The following PRDM5 variants were observed in gnomAD, a reference collection of about 807,000 sequenced individuals.
PRDM5 encodes PR/SET domain 5, also known as PR domain zinc finger protein 5.
In PRDM5, 56 loss-of-function variants were observed where a neutral mutation model predicts 81.2. The observed-to-expected ratio is 0.69, with a 90% CI of 0.56 to 0.86. The LOEUF is 0.86. Ranked by LOEUF, PRDM5 falls within the 40% of genes least tolerant of loss-of-function variation. The probability of loss-of-function intolerance (pLI) is 0.00; values close to 1 mark genes in which losing one functional copy is unlikely to be tolerated. For synonymous variants in PRDM5, 267 were observed against 256.4 expected, an observed-to-expected ratio of 1.04 and a Z score of -0.39; for missense variants, 697 against 770.1, an observed-to-expected ratio of 0.91 and a Z score of 1.12.
intron 15 of PRDM5, among the ~76,000 whole-genome samples, chr4:120,700,672 G>C (rs900023470): frequency 1.8e-4 from 28 of 152,046 alleles, no homozygotes; most frequent in African/African-American, 6.8e-4. Context: ...ATGCACTACT[G>C]TATTTATATA....
At chr4:120,757,557 C>T (rs1744932749) in intron 13 of PRDM5, among the ~76,000 whole-genome samples, 1 of 152,138 alleles carries the variant, frequency 6.6e-6, no homozygotes, top group African/African-American at 2.4e-5. Flanking sequence ...AGGGTGTGTC[C>T]AGAAGAGATG....
intron 2 of PRDM5, among the ~76,000 whole-genome samples, chr4:120,886,337 C>T (rs776926431): frequency 5.3e-5 from 8 of 152,102 alleles, no homozygotes; most frequent in Non-Finnish European, 1.2e-4. Flanking sequence ...AACATTTTTT[C>T]CCAAAACTAA....
intron 3 of PRDM5, among the ~76,000 whole-genome samples, chr4:120,828,004 T>C (rs969346535): frequency 2.6e-5 from 4 of 152,106 alleles, no homozygotes; most frequent in African/African-American, 4.8e-5. Context: ...CTCTTTTATA[T>C]AGCACTTTGC....
intron 2 of PRDM5, among the ~76,000 whole-genome samples, chr4:120,903,217 G>C (rs1199111570): frequency 6.6e-6 from 1 of 152,042 alleles, no homozygotes; most frequent in Non-Finnish European, 1.5e-5. Context: ...ATAGATATGG[G>C]GCATAGCAGA....
chr4:120,757,847 C>T (rs902870093), intron 13 of PRDM5, among the ~76,000 whole-genome samples: 2 of 150,756 alleles, frequency 1.3e-5, no homozygotes, highest in African/African-American at 4.9e-5. Context: ...CTCTCCTCCT[C>T]TTCCTCCTCC....
intron 2 of PRDM5, among the ~76,000 whole-genome samples, chr4:120,855,906 T>C (rs1220395580): frequency 6.6e-6 from 1 of 152,246 alleles, no homozygotes; most frequent in Admixed American, 6.5e-5. Flanking sequence ...ATGGCCCTTC[T>C]TAATCATACA....
intron 4 of PRDM5, among the ~76,000 whole-genome samples, chr4:120,820,680 C>G (rs1561377599): frequency 6.6e-6 from 1 of 152,230 alleles, no homozygotes; most frequent in Non-Finnish European, 1.5e-5. Context: ...CAAGAAGCTG[C>G]AGGTTCCCAA....
intron 8 of PRDM5, among the ~76,000 whole-genome samples, chr4:120,804,951 T>C (rs1752696608): frequency 6.6e-6 from 1 of 151,934 alleles, no homozygotes; most frequent in Admixed American, 6.6e-5. Context: ...AATAGACCGC[T>C]AGCAAGACTA....
At chr4:120,902,503 A>G (rs905321472) in intron 2 of PRDM5, among the ~76,000 whole-genome samples, 9 of 152,210 alleles carry the variant, frequency 5.9e-5, no homozygotes, top group African/African-American at 2.2e-4. Context: ...CAAAAAGTAG[A>G]CAGAAAGACT....
chr4:120,838,123 T>C (rs940699469), intron 3 of PRDM5: 2 of 152,204 alleles, frequency 1.3e-5, no homozygotes, highest in African/African-American at 4.8e-5. Flanking sequence ...AAGCTCCATG[T>C]GAAAGGAAAG....
intron 12 of PRDM5, among the ~76,000 whole-genome samples, chr4:120,778,099 T>G (rs3827583): frequency 6.6e-6 from 1 of 151,888 alleles, no homozygotes; most frequent in African/African-American, 2.4e-5. Flanking sequence ...ACTTAAGAGA[T>G]TGGAGAAAAG....
At chr4:120,895,638 C>A (rs899350659) in intron 2 of PRDM5, 2 of 152,356 alleles carry the variant, frequency 1.3e-5, no homozygotes, top group South Asian at 4.1e-4. Context: ...TCTCCTTCCA[C>A]TTCTTTATCT....
chr4:120,701,784 CA>C (rs1284736812), intron 15 of PRDM5, among the ~76,000 whole-genome samples: 4 of 151,576 alleles, frequency 2.6e-5, no homozygotes, highest in Admixed American at 2.6e-4. Context: ...TACCCATGTA[CA>C]ACAAACCTGC....
chr4:120,832,200 AG>A (rs1316575003), intron 3 of PRDM5, among the ~76,000 whole-genome samples: 2 of 152,122 alleles, frequency 1.3e-5, no homozygotes, highest in African/African-American at 4.8e-5. Flanking sequence ...ATGGCTGGGG[AG>A]GCCTCAGGAA....
chr4:120,773,427 T>A (rs1747588485), intron 13 of PRDM5, among the ~76,000 whole-genome samples: 1 of 152,152 alleles, frequency 6.6e-6, no homozygotes, highest in Non-Finnish European at 1.5e-5. Flanking sequence ...TAACATATCA[T>A]CCCCTGAATA....
intron 3 of PRDM5, among the ~76,000 whole-genome samples, chr4:120,836,458 T>C (rs1757363771): frequency 6.6e-6 from 1 of 152,232 alleles, no homozygotes; most frequent in South Asian, 2.1e-4. Context: ...TATTCTTCTA[T>C]AGAAACATCC....
At chr4:120,822,199 A>G (rs1195952826) in intron 3 of PRDM5, among the ~76,000 whole-genome samples, 1 of 152,234 alleles carries the variant, frequency 6.6e-6, no homozygotes. Flanking sequence ...GCCAGAACTG[A>G]AGCTGTAAAG....
At chr4:120,769,125 C>A (rs1317901407) in intron 13 of PRDM5, among the ~76,000 whole-genome samples, 1 of 152,110 alleles carries the variant, frequency 6.6e-6, no homozygotes, top group Non-Finnish European at 1.5e-5. Flanking sequence ...CACTCTGAAC[C>A]CATGCATCCT....
intron 1 of PRDM5, among the ~76,000 whole-genome samples, chr4:120,921,865 TAAAAA>T (rs976326279): frequency 6.9e-6 from 1 of 144,040 alleles, no homozygotes; most frequent in Non-Finnish European, 1.5e-5. Flanking sequence ...GGAGACAAAT[TAAAAA>T]AAAAAAGAGC....
Sources: gnomAD v4.1 joint callset for allele counts (sites outside exome capture counted in the v4.1 genomes callset) on GRCh38, gnomAD v4.1.1 for gene constraint, MANE v1.5 for transcripts, NCBI Gene and HGNC (gene_info 2026-07-23, HGNC 2026-07-21) for gene names.